Variants in PDE4D observed in about 807,000 individuals in gnomAD.
PDE4D encodes the protein phosphodiesterase 4D, also known as 3',5'-cyclic-AMP phosphodiesterase 4D.
Under a neutral mutation model 87.4 loss-of-function variants are expected in PDE4D, and 24 were observed. The observed-to-expected ratio is 0.27, with a 90% CI of 0.20 to 0.39. The LOEUF (loss-of-function observed/expected upper bound fraction) is 0.39, where lower values mean the gene tolerates loss of function less well. PDE4D is among the 10% of genes least tolerant of loss of function. The pLI is 1.00. For synonymous variants in PDE4D, 384 were observed against 383.2 expected (o/e 1.00, Z -0.02); for missense variants, 714 against 1,041.0 (o/e 0.69, Z 4.32).
chr5:59,951,697 A>G (rs573810274), intron 3 of PDE4D, among the ~76,000 whole-genome samples: 1 of 152,288 alleles, frequency 6.6e-6, no homozygotes, highest in African/African-American at 2.4e-5. Context: ...GATGTAACCT[A>G]GATTTAGTAG....
At chr5:59,986,373 C>T (rs941113889) in intron 3 of PDE4D, 2 of 152,156 alleles carry the variant, frequency 1.3e-5, no homozygotes, top group African/African-American at 4.8e-5. Context: ...AGATTACACA[C>T]AATATCCAAC....
chr5:60,511,533 T>A (rs1362222021), intron 1 of PDE4D, among the ~76,000 whole-genome samples: 1 of 149,950 alleles, frequency 6.7e-6, no homozygotes, highest in Non-Finnish European at 1.5e-5. Flanking sequence ...ATAATAATAA[T>A]AATAATAATA....
chr5:59,769,158 T>C (rs1204116284), intron 1 of PDE4D, among the ~76,000 whole-genome samples: 1 of 152,158 alleles, frequency 6.6e-6, no homozygotes, highest in Non-Finnish European at 1.5e-5. Context: ...CTCAATCTGA[T>C]GAACCACATA....
intron 2 of PDE4D, among the ~76,000 whole-genome samples, chr5:59,202,033 ATTTTTTTT>A (rs10641798): frequency 3.1e-5 from 3 of 95,268 alleles, no homozygotes; most frequent in Middle Eastern, 0.01. Flanking sequence ...TGTTTTGATC[ATTTTTTTT>A]TTTTTTTTTT....
chr5:59,358,309 CAG>C (rs1324032526), intron 1 of PDE4D, among the ~76,000 whole-genome samples: 1 of 152,118 alleles, frequency 6.6e-6, no homozygotes, highest in Non-Finnish European at 1.5e-5. Flanking sequence ...CTTGGAGGAG[CAG>C]AGAGTTCAAA....
intron 1 of PDE4D, among the ~76,000 whole-genome samples, chr5:59,557,978 T>C (rs1819256377): frequency 6.6e-6 from 1 of 152,196 alleles, no homozygotes; most frequent in Non-Finnish European, 1.5e-5. Flanking sequence ...TATTTAATAT[T>C]GGAATATTAT....
At chr5:60,191,209 A>AT (rs77173122) in intron 1 of PDE4D, among the ~76,000 whole-genome samples, 5 of 150,734 alleles carry the variant, frequency 3.3e-5, no homozygotes, top group Admixed American at 6.6e-5. Flanking sequence ...ACTAGCTAAC[A>AT]TTTTTTTTTC....
Position 58,989,817 on chromosome 5 carries a change from T to G in PDE4D, c.1390A>C (p.Asn464His), listed in dbSNP as rs530605673. The change falls in exon 10 of 15, where the codon AAT becomes CAT. Residue 464 changes from asparagine (N) to histidine (H), a missense_variant. Transcript: ENST00000340635. The part of the protein sequence containing the change: ...HYHADVAYHN[N>H]IHAADVVQST... ...TGGACAACATCTGCAGCATGGATAT[T>G]GTTGTGATAGGCCACATCAGCATGG... 1 of 1,611,182 alleles carries G rather than the reference T, an allele frequency of 6.2e-7. No individual in the cohort carries two copies. Among genetic ancestry groups the G allele is most frequent in the Non-Finnish European group, 8.5e-7 (1 of 1,177,470 alleles).
chr5:59,164,939 G>A (rs1223124840), intron 5 of PDE4D: 2 of 152,048 alleles, frequency 1.3e-5, no homozygotes, highest in African/African-American at 2.4e-5. Context: ...AAGCATAAAA[G>A]AGGCATCAAT....
intron 2 of PDE4D, among the ~76,000 whole-genome samples, chr5:60,031,212 T>C (rs971839384): frequency 4.6e-5 from 7 of 152,210 alleles, no homozygotes; most frequent in Non-Finnish European, 7.3e-5. Context: ...CCACCTATGA[T>C]TAAAGAAACC....
intron 1 of PDE4D, among the ~76,000 whole-genome samples, chr5:60,206,380 G>C (rs1189489724): frequency 2.6e-5 from 4 of 152,178 alleles, no homozygotes; most frequent in African/African-American, 9.7e-5. Flanking sequence ...ACCTTTTCTA[G>C]TGCTCTAGAA....
At chr5:59,172,253 T>G (rs1168924120) in intron 5 of PDE4D, among the ~76,000 whole-genome samples, 4 of 121,682 alleles carry the variant, frequency 3.3e-5, no homozygotes, top group African/African-American at 1.3e-4. Context: ...TAATATATAA[T>G]AAATATATAT....
intron 1 of PDE4D, among the ~76,000 whole-genome samples, chr5:59,268,282 T>TA (rs1284344014): frequency 1.2e-4 from 19 of 152,082 alleles, no homozygotes; most frequent in Non-Finnish European, 2.4e-4. Flanking sequence ...CCTGTCATGC[T>TA]AAAAAACTGC....
At chr5:60,207,922 A>T (rs1477778976) in intron 1 of PDE4D, among the ~76,000 whole-genome samples, 1 of 152,248 alleles carries the variant, frequency 6.6e-6, no homozygotes, top group African/African-American at 2.4e-5. Context: ...TAAATGGGGC[A>T]AGTCATTATA....
At chr5:60,456,101 A>C (rs1406166318) in intron 1 of PDE4D, among the ~76,000 whole-genome samples, 1 of 152,282 alleles carries the variant, frequency 6.6e-6, no homozygotes, top group South Asian at 2.1e-4. Context: ...AGGAGTGCTC[A>C]ACACAAGTGG....
At chr5:59,676,600 C>T (rs1220697991) in intron 1 of PDE4D, among the ~76,000 whole-genome samples, 2 of 152,114 alleles carry the variant, frequency 1.3e-5, no homozygotes, top group Non-Finnish European at 1.5e-5. Flanking sequence ...TCAAACTATG[C>T]TGTGTTTCAT....
chr5:60,285,585 T>TA (rs1410357135), intron 1 of PDE4D, among the ~76,000 whole-genome samples: 3 of 151,822 alleles, frequency 2.0e-5, no homozygotes, highest in African/African-American at 4.8e-5. Context: ...GTTGAAGAAT[T>TA]AAAAAAATGA....
upstream of PDE4D, among the ~76,000 whole-genome samples, chr5:59,898,430 TGATGCG>T (rs1561835465): frequency 6.6e-6 from 1 of 152,188 alleles, no homozygotes; most frequent in Non-Finnish European, 1.5e-5. Flanking sequence ...AGAGATATAC[TGATGCG>T]GATATGTAGT....
At chr5:59,016,308 G>A (rs576737297) in intron 6 of PDE4D, among the ~76,000 whole-genome samples, 14 of 148,112 alleles carry the variant, frequency 9.5e-5, no homozygotes, top group Admixed American at 4.1e-4. Flanking sequence ...AGTCCCAACC[G>A]CTGTATTCTT....
Sources: gnomAD v4.1 joint callset for allele counts (sites outside exome capture counted in the v4.1 genomes callset) on GRCh38, gnomAD v4.1.1 for gene constraint, MANE v1.5 for transcripts, NCBI Gene and HGNC (gene_info 2026-07-23, HGNC 2026-07-21) for gene names.